Variants in OLA1 observed in about 807,000 individuals in gnomAD.
The protein encoded by OLA1 is Obg like ATPase 1.
A neutral mutation model predicts 48.4 loss-of-function variants in OLA1; 14 were observed. The ratio of observed to expected loss-of-function variants is 0.29; its 90% confidence interval spans 0.19 to 0.45. The LOEUF (loss-of-function observed/expected upper bound fraction) is 0.45. OLA1 is among the 20% of genes least tolerant of loss of function. The probability of loss-of-function intolerance (pLI) is 1.00; values close to 1 mark genes in which losing one functional copy is unlikely to be tolerated. For missense variants in OLA1, 325 were observed against 467.1 expected, an observed-to-expected ratio of 0.70 and a Z score of 2.80; for synonymous variants, 127 against 150.4, an observed-to-expected ratio of 0.84 and a Z score of 1.14.
At chr2:174,135,160 CAAAA>C (rs71405180) in intron 5 of OLA1, among the ~76,000 whole-genome samples, 4 of 86,010 alleles carry the variant, frequency 4.7e-5, no homozygotes, top group Non-Finnish European at 8.9e-5. Flanking sequence ...ACTCCGCCTC[CAAAA>C]AAAAAAAAAA....
intron 3 of OLA1, 130 bp downstream of exon 3, chr2:174,229,178 G>T: frequency 1.0e-6 from 1 of 965,834 alleles, no homozygotes; most frequent in Non-Finnish European, 1.6e-6. Context: ...CCAGCCCTCT[G>T]CATGACTTTT....
intron 4 of OLA1, among the ~76,000 whole-genome samples, chr2:174,197,038 C>A (rs1451162544): frequency 6.6e-6 from 1 of 152,090 alleles, no homozygotes; most frequent in Non-Finnish European, 1.5e-5. Flanking sequence ...AACATTTGTT[C>A]TATTAACCCA....
intron 2 of OLA1, among the ~76,000 whole-genome samples, chr2:174,239,582 A>T (rs1301876771): frequency 6.6e-6 from 1 of 152,088 alleles, no homozygotes; most frequent in Non-Finnish European, 1.5e-5. Flanking sequence ...CTAAGGAAAC[A>T]AAACACTTAA....
rs7605891 is a variant in OLA1 at position 174,120,950 on chromosome 2, T to C, written c.728+2230A>G. ...TCTTATTTGCTATAGTAACATTACA[T>C]GTTAATCTTAAAAAACAAAAACTTT... On this transcript the variant is annotated intron_variant, in intron 7 of 10. Coordinates refer to ENST00000284719, the MANE Select transcript of OLA1 (RefSeq NM_013341.5). Among the ~76,000 whole-genome samples, 296 of 152,318 alleles carry C rather than the reference T, an allele frequency of 1.9e-3. 1 individual carries two copies. The highest frequency in any genetic ancestry group is 6.8e-3 in the African/African-American group (283 of 41,580).
Position 174,161,667 on chromosome 2 carries a change from T to TA in OLA1, c.374-19668dup, listed in dbSNP as rs1307569471. On this transcript the variant is annotated intron_variant, in intron 4 of 10. Transcript: ENST00000284719. ...GTGACAGACTAAGACTTTGTCTCTT[T>TA]AAAAAAAAAAAAATACACACACACA... Among the ~76,000 whole-genome samples, 86 of 122,962 alleles carry TA rather than the reference T, an allele frequency of 7.0e-4. 1 individual carries two copies. In the East Asian group the frequency reaches 8.7e-3, roughly 12 times the overall value. 80.7% of individuals were successfully genotyped at this position (122,962 alleles called of 152,430 possible). A position where few individuals can be genotyped will look rare whatever the true frequency, so the allele number is the denominator to read the frequency against.
At chr2:174,091,151 C>T (rs1685103707) in intron 7 of OLA1, among the ~76,000 whole-genome samples, 1 of 152,064 alleles carries the variant, frequency 6.6e-6, no homozygotes, top group African/African-American at 2.4e-5. Flanking sequence ...TCAGCTAATA[C>T]CTAGCTGAGT....
intron 7 of OLA1, among the ~76,000 whole-genome samples, chr2:174,085,676 C>A (rs1453876382): frequency 1.1e-4 from 17 of 152,128 alleles, no homozygotes; most frequent in Admixed American, 1.1e-3. Flanking sequence ...ACTTTCTTAG[C>A]CAGCCTTAAA....
chr2:174,236,558 G>C (rs1168683254), intron 2 of OLA1, among the ~76,000 whole-genome samples: 1 of 152,132 alleles, frequency 6.6e-6, no homozygotes, highest in East Asian at 1.9e-4. Context: ...GGAAGAACAT[G>C]CATTTACAGC....
intron 5 of OLA1, among the ~76,000 whole-genome samples, chr2:174,129,434 G>C (rs1283518599): frequency 6.7e-6 from 1 of 150,098 alleles, no homozygotes; most frequent in African/African-American, 2.5e-5. Context: ...CTCCAGCCTG[G>C]GCAACACAGC....
In OLA1 at chr2:174,225,965, C is replaced by T. The variant is rs1688609276; in HGVS notation, c.246-2805G>A. Among the ~76,000 whole-genome samples, 2 of 40,476 alleles carry T rather than the reference C, an allele frequency of 4.9e-5. 1 individual carries two copies. The highest frequency in any genetic ancestry group is 5.4e-4 in the Admixed American group (2 of 3,684). The allele number at this position is 40,476 out of a possible 152,430, so 26.6% of individuals were successfully genotyped here. A position where few individuals can be genotyped will look rare whatever the true frequency, so the allele number is the denominator to read the frequency against. ...ATCCCAGCACTTTGGGAGGCCGAGGCGGGCGGATCACGAGGTCAAGAGATC... is the reference window on the plus strand; with the variant it reads ...ATCCCAGCACTTTGGGAGGCCGAGGTGGGCGGATCACGAGGTCAAGAGATC... On this transcript the variant is annotated intron_variant, in intron 3 of 10. Transcript: ENST00000284719.
intron 10 of OLA1, among the ~76,000 whole-genome samples, chr2:174,076,879 C>G (rs1035423218): frequency 1.3e-5 from 2 of 151,574 alleles, no homozygotes; most frequent in Non-Finnish European, 2.9e-5. Flanking sequence ...TATTGAAGGC[C>G]ATAAGCTACT....
At chr2:174,086,842 A>G (rs1431063047) in intron 7 of OLA1, among the ~76,000 whole-genome samples, 1 of 152,162 alleles carries the variant, frequency 6.6e-6, no homozygotes. Context: ...ACTGCGGTTG[A>G]CAGCGGGAAC....
At chr2:174,225,053 G>T (rs1471183910) in intron 3 of OLA1, among the ~76,000 whole-genome samples, 3 of 152,176 alleles carry the variant, frequency 2.0e-5, no homozygotes, top group Non-Finnish European at 4.4e-5. Context: ...TGGAGGTGGG[G>T]CCTGGTGGGA....
chr2:174,218,380 A>C (rs578173448), intron 4 of OLA1, among the ~76,000 whole-genome samples: 9 of 152,276 alleles, frequency 5.9e-5, no homozygotes, highest in South Asian at 2.1e-4. Context: ...TGAAAAAAAA[A>C]CCACCAGAAT....
chr2:174,135,160 C>CAAAAAAA (rs71405180), intron 5 of OLA1, among the ~76,000 whole-genome samples: 5 of 85,984 alleles, frequency 5.8e-5, no homozygotes, highest in East Asian at 2.8e-4. Flanking sequence ...ACTCCGCCTC[C>CAAAAAAA]AAAAAAAAAA....
At chr2:174,234,457 T>G (rs2105460066) in intron 2 of OLA1, among the ~76,000 whole-genome samples, 1 of 152,250 alleles carries the variant, frequency 6.6e-6, no homozygotes, top group Non-Finnish European at 1.5e-5. Context: ...AACTGTAATT[T>G]CTTTTTTAAC....
At chr2:174,081,587 T>C (rs1684855382) in intron 8 of OLA1, among the ~76,000 whole-genome samples, 1 of 152,060 alleles carries the variant, frequency 6.6e-6, no homozygotes, top group African/African-American at 2.4e-5. Context: ...ATTTAAACAA[T>C]ATATTACTGT....
chr2:174,109,045 A>C (rs1174915424), intron 7 of OLA1, among the ~76,000 whole-genome samples: 1 of 152,204 alleles, frequency 6.6e-6, no homozygotes, highest in African/African-American at 2.4e-5. Flanking sequence ...GTCAGGAACT[A>C]CTAATGCAAC....
At chr2:174,081,856 G>C (rs951568468) in intron 8 of OLA1, 68 bp downstream of exon 8, 1 of 1,429,940 alleles carries the variant, frequency 7.0e-7, no homozygotes, top group Admixed American at 1.7e-5. Flanking sequence ...TTCTATCAGC[G>C]CAAGCAATTA....
Sources: gnomAD v4.1 joint callset for allele counts (sites outside exome capture counted in the v4.1 genomes callset) on GRCh38, gnomAD v4.1.1 for gene constraint, MANE v1.5 for transcripts, NCBI Gene and HGNC (gene_info 2026-07-23, HGNC 2026-07-21) for gene names.